ZNF84: variants seen among roughly 807,000 people sequenced by gnomAD.
ZNF84 encodes zinc finger protein HPF2.
ZNF84 carries 12 observed loss-of-function variants against 14.8 expected under a neutral mutation model. The ratio of observed to expected loss-of-function variants is 0.81; its 90% CI spans 0.52 to 1.31. The LOEUF (loss-of-function observed/expected upper bound fraction) is 1.31. Among genes scored for constraint, ZNF84 ranks in the 50% most tolerant of loss-of-function variants. The pLI, the probability that ZNF84 is intolerant of heterozygous loss-of-function variation, is 0.00. For missense variants in ZNF84, 859 were observed against 878.6 expected, an observed-to-expected ratio of 0.98 and a Z score of 0.28; for synonymous variants, 347 against 291.1, an observed-to-expected ratio of 1.19 and a Z score of -1.96.
At chr12:133,040,770 G>A (rs1276272769) in intron 1 of ZNF84, 1 of 151,992 alleles carries the variant, frequency 6.6e-6, no homozygotes, top group African/African-American at 2.4e-5. Context: ...AGGAAAAACT[G>A]ACCAATCTCT....
Position 133,058,876 on chromosome 12 carries a change from T to G in ZNF84, c.2161T>G (p.Ser721Ala). The change falls in exon 5 of 5, where the codon TCA becomes GCA. Residue 721 changes from serine to alanine, a missense_variant. Ser to Ala is a moderately conservative substitution (Grantham distance 99). Transcript: ENST00000539354. ...YRCIECGKAFSQKSQLINHQR... is the reference protein window; with the variant it reads ...YRCIECGKAFAQKSQLINHQR... ...ATGCATTGAATGTGGGAAAGCTTTC[T>G]CACAGAAGTCACAGCTCATCAATCA... 1 of 1,613,044 alleles carries G rather than the reference T, an allele frequency of 6.2e-7. No homozygotes were observed. The highest frequency in any genetic ancestry group is 8.5e-7 in the Non-Finnish European group (1 of 1,179,610).
rs1329413677 is a variant in ZNF84, at chr12:133,058,016, T to C, written c.1301T>C (p.Ile434Thr). Residue 434 changes from isoleucine to threonine, a missense_variant, in exon 5 of 5, where the codon ATT becomes ACT. Transcript: ENST00000539354. ...ACAGGAGAGAAACCTCATGGATGCA[T>C]TCAGTGTGGGAAGGCCTTCTCCCAG... is the stretch of plus-strand genomic sequence containing the variant. Reference protein sequence around the residue: ...THTGEKPHGCIQCGKAFSQKS... With the variant: ...THTGEKPHGCTQCGKAFSQKS... 1 of 1,609,792 alleles carries C rather than the reference T, an allele frequency of 6.2e-7. No individual in the cohort carries two copies. The highest frequency in any genetic ancestry group is 2.2e-5 in the East Asian group (1 of 44,454).
chr12:133,056,073 T>C (rs987157115), intron 4 of ZNF84, among the ~76,000 whole-genome samples: 95 of 152,296 alleles, frequency 6.2e-4, no homozygotes, highest in African/African-American at 1.9e-3. Context: ...AATAAAACTT[T>C]AGAATAAGAA....
At chr12:133,045,955 C>T (rs1953971721) in intron 2 of ZNF84, among the ~76,000 whole-genome samples, 1 of 31,126 alleles carries the variant, frequency 3.2e-5, no homozygotes, top group Admixed American at 5.8e-4. Context: ...AAGTCATTTT[C>T]TGTCTGTTCA....
chr12:133,046,423 C>CT lies in ZNF84; in HGVS notation c.16-1524dup, dbSNP rs1262151343. Among the ~76,000 whole-genome samples the CT allele has an allele frequency of 5.1e-4, 65 of 126,306 alleles. No homozygotes were observed. The East Asian group carries it at 0.011, about 21-fold the overall frequency. 82.9% of individuals were successfully genotyped at this position (126,306 alleles called of 152,430 possible). A position where few individuals can be genotyped will look rare whatever the true frequency, so the allele number is the denominator to read the frequency against. ...GCCTCCCAGAATGTCTTTGCATCCT[C>CT]TTTTTTTTGTGGAAAACAACTAATT... On this transcript the variant is annotated intron_variant, in intron 2 of 4. Coordinates refer to ENST00000539354, the MANE Select transcript of ZNF84 (RefSeq NM_001289971.2).
At position 133,058,884 on chromosome 12, in the gene ZNF84, G is replaced by A; in HGVS notation, c.2169G>A (p.Lys723=). Residue 723 remains lysine, a synonymous_variant, in exon 5 of 5, where the codon AAG becomes AAA. Coordinates refer to ENST00000539354, the MANE Select transcript of ZNF84 (RefSeq NM_001289971.2). ...AATGTGGGAAAGCTTTCTCACAGAA[G>A]TCACAGCTCATCAATCATCAGAGAA... The part of the protein sequence containing the change: ...CIECGKAFSQ[K]SQLINHQRTH... 1.2e-6 allele frequency: 2 copies of A among 1,612,826 alleles called. No individual in the cohort carries two copies. The highest frequency in any genetic ancestry group is 1.7e-6 in the Non-Finnish European group (2 of 1,179,518).
In ZNF84 at chr12:133,059,041, G is replaced by A; in HGVS notation, c.*109G>A. 1 of 1,067,900 alleles carries A rather than the reference G, an allele frequency of 9.4e-7. No individual in the cohort carries two copies. The highest frequency in any genetic ancestry group is 1.3e-6 in the Non-Finnish European group (1 of 743,354). 66.2% of individuals were successfully genotyped at this position (1,067,900 alleles called of 1,614,324 possible). On this transcript the variant is annotated 3_prime_UTR_variant, in exon 5 of 5. Transcript: ENST00000539354. ...ATGTTAGGTGTTTGTACTCCATGAGGATGAGAACTCTAAATGAGGTGGTGT... is the reference window on the plus strand; with the variant it reads ...ATGTTAGGTGTTTGTACTCCATGAGAATGAGAACTCTAAATGAGGTGGTGT...
At position 133,048,853 on chromosome 12, in the gene ZNF84, G is replaced by GT; in HGVS notation, c.238+6dup. The GT allele has an allele frequency of 6.2e-7, 1 of 1,610,738 alleles. No homozygotes were observed. The highest frequency in any genetic ancestry group is 1.1e-5 in the South Asian group (1 of 90,868). ...TTCCAAGTTCAGATTCTCCAGGTGA[G>GT]TGTATGAGAACCAGGCAGATGGGAG... is the stretch of plus-strand genomic sequence containing the variant. On this transcript the variant is annotated splice_donor_region_variant and intron_variant, in intron 4 of 4. Coordinates refer to ENST00000539354, the MANE Select transcript of ZNF84 (RefSeq NM_001289971.2).
In ZNF84 at chr12:133,057,725, A is replaced by G. The variant is rs1954185920; in HGVS notation, c.1010A>G (p.His337Arg). The G allele has an allele frequency of 1.2e-6, 2 of 1,614,010 alleles. No homozygotes were observed. The highest frequency in any genetic ancestry group is 1.3e-5 in the African/African-American group (1 of 74,902). Reference sequence around the variant, plus strand: ...AGTGAAAAGTCCAATCTCATTAACCATCAGAGAATTCATACCGGTGAGAAG... The same window carrying G: ...AGTGAAAAGTCCAATCTCATTAACCGTCAGAGAATTCATACCGGTGAGAAG... Reference protein sequence around the residue: ...AFSEKSNLINHQRIHTGEKPF... With the variant: ...AFSEKSNLINRQRIHTGEKPF... Residue 337 changes from histidine (H) to arginine (R), a missense_variant, in exon 5 of 5, where the codon CAT becomes CGT. By Grantham distance (29) the His-to-Arg change is conservative. Transcript: ENST00000539354.
chr12:133,053,606 G>A (rs1195118735), intron 4 of ZNF84, among the ~76,000 whole-genome samples: 1 of 152,088 alleles, frequency 6.6e-6, no homozygotes, highest in African/African-American at 2.4e-5. Context: ...TCTTGAGCAT[G>A]GTGGCACGCA....
chr12:133,057,818 C>T lies in ZNF84; in HGVS notation c.1103C>T (p.Thr368Ile). Residue 368 changes from threonine to isoleucine, a missense_variant, in exon 5 of 5, where the codon ACT (threonine) becomes ATT (isoleucine). Coordinates refer to ENST00000539354, the MANE Select transcript of ZNF84 (RefSeq NM_001289971.2). ...TCACAACTCGTTACACATCACAGAA[C>T]TCACACAGGAACAAAACCCTTTGGA... The part of the protein sequence containing the change: ...RKSQLVTHHR[T>I]HTGTKPFGCS... The T allele has an allele frequency of 6.2e-7, 1 of 1,614,042 alleles. No individual in the cohort carries two copies. Among genetic ancestry groups the T allele is most frequent in the Non-Finnish European group, 8.5e-7 (1 of 1,180,006 alleles).
chr12:133,048,637 A>G lies in ZNF84; in HGVS notation c.143-116A>G, dbSNP rs1954024283. On this transcript the variant is annotated intron_variant, in intron 3 of 4. Transcript: ENST00000539354. ...GTTACTGTAACTTTGAGAATTACTT[A>G]CTCTGTTGGGGTACAGCTTCACCAG... is the stretch of plus-strand genomic sequence containing the variant. 6.1e-6 allele frequency: 4 copies of G among 659,446 alleles called. No individual in the cohort carries two copies. In the South Asian group the frequency reaches 7.4e-5, roughly 12 times the overall value. The allele number at this position is 659,446 out of a possible 1,614,324, so 40.8% of individuals were successfully genotyped here. A position where few individuals can be genotyped will look rare whatever the true frequency, so the allele number is the denominator to read the frequency against.
In ZNF84 at chr12:133,058,400, A is replaced by G; in HGVS notation, c.1685A>G (p.Gln562Arg). The G allele has an allele frequency of 2.0e-5, 32 of 1,614,136 alleles. No individual in the cohort carries two copies. The highest frequency in any genetic ancestry group is 2.5e-5 in the Non-Finnish European group (30 of 1,180,024). Reference protein sequence around the residue: ...FGEKSSLATHQRTHTGEKPYE... With the variant: ...FGEKSSLATHRRTHTGEKPYE... Reference sequence around the variant, plus strand: ...GAGAAGTCAAGTCTTGCAACTCATCAGAGAACTCATACTGGAGAAAAACCG... The same window carrying G: ...GAGAAGTCAAGTCTTGCAACTCATCGGAGAACTCATACTGGAGAAAAACCG... The change falls in exon 5 of 5, where the codon CAG becomes CGG. Residue 562 changes from glutamine (Q) to arginine (R), a missense_variant. Transcript: ENST00000539354.
Position 133,057,511 on chromosome 12 carries a change from A to T in ZNF84, c.796A>T (p.Ser266Cys). 1 of 1,614,256 alleles carries T rather than the reference A, an allele frequency of 6.2e-7. No individual in the cohort carries two copies. Among genetic ancestry groups the T allele is most frequent in the Middle Eastern group, 1.6e-4 (1 of 6,062 alleles). The change falls in exon 5 of 5, where the codon AGC becomes TGC. Residue 266 changes from serine to cysteine, a missense_variant. Coordinates refer to ENST00000539354, the MANE Select transcript of ZNF84 (RefSeq NM_001289971.2). Reference sequence around the variant, plus strand: ...TACAGGAGAAAAACCTTATAATTGTAGCCAGTGTGGGAAAGCCTTCTCCCA... The same window carrying T: ...TACAGGAGAAAAACCTTATAATTGTTGCCAGTGTGGGAAAGCCTTCTCCCA... ...THTGEKPYNC[S>C]QCGKAFSQKS...
Position 133,059,077 on chromosome 12 carries a change from G to A in ZNF84, c.*145G>A, listed in dbSNP as rs923707709. The A allele has an allele frequency of 4.7e-5, 38 of 811,926 alleles. No individual in the cohort carries two copies. The highest frequency in any genetic ancestry group is 6.9e-5 in the African/African-American group (4 of 58,330). The allele number at this position is 811,926 out of a possible 1,614,324, so 50.3% of individuals were successfully genotyped here. ...TAAATGAGGTGGTGTATGGAAAGCCGATCATAATTCATAGAGTAGAGTGAA... is the reference window on the plus strand; with the variant it reads ...TAAATGAGGTGGTGTATGGAAAGCCAATCATAATTCATAGAGTAGAGTGAA... On this transcript the variant is annotated 3_prime_UTR_variant, in exon 5 of 5. Transcript: ENST00000539354.
At chr12:133,055,967 G>A (rs1954149008) in intron 4 of ZNF84, among the ~76,000 whole-genome samples, 1 of 152,154 alleles carries the variant, frequency 6.6e-6, no homozygotes, top group Non-Finnish European at 1.5e-5. Context: ...TGGGCATGGT[G>A]GTGCATGCCT....
chr12:133,045,170 C>T (rs1261532062), intron 2 of ZNF84, among the ~76,000 whole-genome samples: 1 of 151,946 alleles, frequency 6.6e-6, no homozygotes, highest in African/African-American at 2.4e-5. Context: ...CTAAGACAAT[C>T]ATTAATTTGC....
chr12:133,046,347 G>GGTTTGTTTTTTTTTTTTTTTTTTT (rs1953976790), intron 2 of ZNF84, among the ~76,000 whole-genome samples: 1 of 116,406 alleles, frequency 8.6e-6, no homozygotes, highest in African/African-American at 3.6e-5. Context: ...AGTCCTCACA[G>GGTTTGTTTTTTTTTTTTTTTTTTT]TTTTTTTTTT....
chr12:133,048,386 C>G (rs913175230), intron 3 of ZNF84: 2 of 290,320 alleles, frequency 6.9e-6, no homozygotes, highest in Non-Finnish European at 1.3e-5. Context: ...AAGTGCTTTA[C>G]GTATATCAAC....
Sources: allele counts gnomAD v4.1 joint callset (sites outside exome capture counted in the v4.1 genomes callset), GRCh38; gene constraint gnomAD v4.1.1; transcripts MANE v1.5; gene names NCBI Gene and HGNC (gene_info 2026-07-23, HGNC 2026-07-21).